The following SLC25A28 variants were observed in gnomAD, a reference collection of about 807,000 sequenced individuals.
SLC25A28 encodes the protein mitoferrin-2.
Under a neutral mutation model 31.9 loss-of-function variants are expected in SLC25A28, and 10 were observed. That is an observed-to-expected ratio of 0.31 (90% CI 0.19 to 0.53). The LOEUF is 0.53. Ranked by LOEUF, SLC25A28 falls within the 20% of genes least tolerant of loss-of-function variation. The pLI is 0.95. For missense variants in SLC25A28, 256 were observed against 490.3 expected, an observed-to-expected ratio of 0.52 and a Z score of 4.51; for synonymous variants, 208 against 203.6, an observed-to-expected ratio of 1.02 and a Z score of -0.19.
chr10:99,616,614 TATA>T, intron 1 of SLC25A28: 7 of 985,420 alleles, frequency 7.1e-6, no homozygotes, highest in Non-Finnish European at 8.4e-6. Context: ...TCTCTGTGGC[TATA>T]ATGATTTACA....
the SLC25A28 span, among the ~76,000 whole-genome samples, chr10:99,640,390 G>A: frequency 6.6e-6 from 1 of 152,226 alleles, no homozygotes; most frequent in African/African-American, 2.4e-5. Context: ...TCTCCAGAGA[G>A]ATGCTTAAGT....
the SLC25A28 span, among the ~76,000 whole-genome samples, chr10:99,633,847 C>G: frequency 6.6e-6 from 1 of 152,042 alleles, no homozygotes. Context: ...GCAAACCAGC[C>G]CAAAAATAAA....
chr10:99,622,077 G>A (rs190181633), upstream of SLC25A28, among the ~76,000 whole-genome samples: 1 of 152,176 alleles, frequency 6.6e-6, no homozygotes, highest in Admixed American at 6.5e-5. Flanking sequence ...CCAACACTGT[G>A]AAGGCCGAGG....
At chr10:99,647,879 C>G in the SLC25A28 span, among the ~76,000 whole-genome samples, 1 of 152,146 alleles carries the variant, frequency 6.6e-6, no homozygotes, top group East Asian at 1.9e-4. Context: ...TATGGCCATC[C>G]AATTTTCCTA....
chr10:99,623,574 G>T (rs1168342835), upstream of SLC25A28, among the ~76,000 whole-genome samples: 1 of 152,114 alleles, frequency 6.6e-6, no homozygotes, highest in Non-Finnish European at 1.5e-5. Context: ...CCCTTGAAAG[G>T]CCTGCCTGCC....
chr10:99,645,174 ATCACTT>A, the SLC25A28 span, among the ~76,000 whole-genome samples: 1 of 152,128 alleles, frequency 6.6e-6, no homozygotes, highest in Admixed American at 6.5e-5. Context: ...CATTCTCCCC[ATCACTT>A]TCAGGTACAC....
intron 1 of SLC25A28, chr10:99,617,107 CCAA>C: frequency 1.0e-6 from 1 of 985,444 alleles, no homozygotes; most frequent in African/African-American, 1.7e-5. Context: ...CACTTCAGAG[CCAA>C]CAACAGCAGC....
At chr10:99,634,899 C>T in the SLC25A28 span, among the ~76,000 whole-genome samples, 1 of 152,178 alleles carries the variant, frequency 6.6e-6, no homozygotes, top group South Asian at 2.1e-4. Context: ...GAGACAAAAG[C>T]ACCAGGTAAC....
At chr10:99,657,923 T>C in the SLC25A28 span, among the ~76,000 whole-genome samples, 4 of 152,224 alleles carry the variant, frequency 2.6e-5, no homozygotes, top group African/African-American at 7.2e-5. Context: ...CAGCTGCTCA[T>C]CCCTGTAATC....
chr10:99,648,686 GTTTTT>G, the SLC25A28 span, among the ~76,000 whole-genome samples: 1 of 119,806 alleles, frequency 8.3e-6, no homozygotes, highest in African/African-American at 3.2e-5. Context: ...ATATTCCTAG[GTTTTT>G]TTTTTTTTTT....
At chr10:99,654,544 C>A in the SLC25A28 span, among the ~76,000 whole-genome samples, 2 of 151,986 alleles carry the variant, frequency 1.3e-5, no homozygotes, top group Non-Finnish European at 2.9e-5. Context: ...TGCCTGTAGT[C>A]CCAGTTACTC....
chr10:99,627,357 G>T, the SLC25A28 span, among the ~76,000 whole-genome samples: 1 of 151,936 alleles, frequency 6.6e-6, no homozygotes, highest in East Asian at 1.9e-4. Context: ...GGAGAATGGG[G>T]TATCCATCCC....
At position 99,611,206 on chromosome 10, in the gene SLC25A28, A is replaced by G; in HGVS notation, c.738T>C (p.Tyr246=). The G allele has an allele frequency of 1.2e-6, 2 of 1,614,168 alleles. No individual in the cohort carries two copies. The highest frequency in any genetic ancestry group is 1.7e-6 in the Non-Finnish European group (2 of 1,180,042). The change falls in exon 4 of 4, where the codon TAT becomes TAC. Residue 246 remains tyrosine (Y), a synonymous_variant. Coordinates refer to ENST00000370495, the MANE Select transcript of SLC25A28 (RefSeq NM_031212.4). The surrounding 1 kb of genome is among the most constrained non-coding windows in gnomAD (Gnocchi z 5.5). ...VPFQAIHFMT[Y]EFLQEHFNPQ... ...GGTTAAAGTGCTCCTGCAGGAATTC[A>G]TAGGTCATGAAGTGAATGGCTTGGA...
intron 1 of SLC25A28, among the ~76,000 whole-genome samples, chr10:99,614,871 A>G (rs1025570114): frequency 6.6e-6 from 1 of 152,210 alleles, no homozygotes; most frequent in Non-Finnish European, 1.5e-5. Flanking sequence ...ATCAATGTCT[A>G]AAAAGAAAAA....
At chr10:99,642,596 C>T in the SLC25A28 span, among the ~76,000 whole-genome samples, 7 of 152,260 alleles carry the variant, frequency 4.6e-5, no homozygotes, top group Middle Eastern at 3.4e-3. Context: ...GAACTTCCAA[C>T]ACTGTGTTGA....
chr10:99,658,890 A>G, the SLC25A28 span, among the ~76,000 whole-genome samples: 1 of 152,222 alleles, frequency 6.6e-6, no homozygotes, highest in African/African-American at 2.4e-5. Flanking sequence ...ACAGAAATTC[A>G]TGATGACTGG....
At chr10:99,649,419 TG>T in the SLC25A28 span, among the ~76,000 whole-genome samples, 3 of 152,224 alleles carry the variant, frequency 2.0e-5, no homozygotes, top group Non-Finnish European at 2.9e-5. Flanking sequence ...TTTCACTTTT[TG>T]TCATGTCCTT....
chr10:99,636,003 G>A, the SLC25A28 span, among the ~76,000 whole-genome samples: 1 of 152,156 alleles, frequency 6.6e-6, no homozygotes, highest in Non-Finnish European at 1.5e-5. Context: ...AAATGAGATA[G>A]ACACCAGCAC....
the SLC25A28 span, chr10:99,653,975 G>A: frequency 6.6e-6 from 1 of 152,238 alleles, no homozygotes; most frequent in African/African-American, 2.4e-5. Context: ...TGACTTGGGG[G>A]CTTATGGAGG....
Sources: gnomAD v4.1 joint callset for allele counts (sites outside exome capture counted in the v4.1 genomes callset) on GRCh38, gnomAD v4.1.1 for gene constraint, Gnocchi (gnomAD v3.1) non-coding constraint, MANE v1.5 for transcripts, NCBI Gene and HGNC (gene_info 2026-07-23, HGNC 2026-07-21) for gene names.